The following BLM variants were observed in gnomAD, a reference collection of about 807,000 sequenced individuals.
The protein encoded by BLM is BLM RecQ like helicase.
Under a neutral mutation model 135.3 loss-of-function variants are expected in BLM, and 95 were observed. The ratio of observed to expected loss-of-function variants is 0.70; its 90% CI spans 0.59 to 0.83. BLM has a LOEUF of 0.83. BLM is among the 40% of genes least tolerant of loss of function. The pLI, the probability that BLM is intolerant of heterozygous loss-of-function variation, is 0.00. For synonymous variants in BLM, 520 were observed against 589.2 expected, an observed-to-expected ratio of 0.88 and a Z score of 1.70; for missense variants, 1,518 against 1,663.9, an observed-to-expected ratio of 0.91 and a Z score of 1.53.
At position 90,794,221 on chromosome 15, in the gene BLM, G is replaced by A; in HGVS notation, c.3074G>A (p.Ser1025Asn). 1 of 1,607,284 alleles carries A rather than the reference G, an allele frequency of 6.2e-7. No individual in the cohort carries two copies. The highest frequency in any genetic ancestry group is 8.5e-7 in the Non-Finnish European group (1 of 1,175,996). Residue 1025 changes from serine to asparagine, a missense_variant, in exon 16 of 22, where the codon AGC (serine) becomes AAC (asparagine). Around this residue, in one of 5 missense-constraint regions of BLM, gnomAD observed 626 missense variants for 681.1 expected, o/e 0.92. Transcript: ENST00000355112. ...GAAACTCACTTCAATAATTTGTATA[G>A]CATGGTACATTACTGTGAAAATATA... The part of the protein sequence containing the change: ...TRETHFNNLY[S>N]MVHYCENITE...
At chr15:90,769,373 G>A (rs1896232512) in intron 11 of BLM, 65 bp from the exon 12 acceptor site, 6 of 1,592,564 alleles carry the variant, frequency 3.8e-6, no homozygotes, top group South Asian at 2.2e-5. Context: ...ACATTGAGCA[G>A]TGTTGGCTTT....
rs759545027 is a variant in BLM, at chr15:90,769,520, C to A, written c.2489C>A (p.Thr830Lys). The A allele has an allele frequency of 1.9e-6, 3 of 1,613,816 alleles. No individual in the cohort carries two copies. The highest frequency in any genetic ancestry group is 2.5e-6 in the Non-Finnish European group (3 of 1,179,792). The change falls in exon 12 of 22, where the codon ACG becomes AAG. Residue 830 changes from threonine (T) to lysine (K), a missense_variant. Thr to Lys is a moderately conservative substitution (Grantham distance 78). Around this residue, in one of 5 missense-constraint regions of BLM, gnomAD observed 626 missense variants for 681.1 expected, o/e 0.92. Coordinates refer to ENST00000355112, the MANE Select transcript of BLM (RefSeq NM_000057.4). ...KFPSVPVMAL[T>K]ATANPRVQKD... is the part of the protein sequence containing the mutation. ...CCTTCTGTTCCGGTGATGGCTCTTA[C>A]GGCCACAGCTAATCCCAGGGTACAG...
intron 3 of BLM, among the ~76,000 whole-genome samples, chr15:90,751,033 A>T (rs999274939): frequency 4.6e-5 from 7 of 152,208 alleles, no homozygotes; most frequent in African/African-American, 1.7e-4. Context: ...CCTAATATTG[A>T]TGTATAATGT....
intron 4 of BLM, among the ~76,000 whole-genome samples, chr15:90,754,054 T>C (rs1016982795): frequency 6.6e-6 from 1 of 152,244 alleles, no homozygotes; most frequent in African/African-American, 2.4e-5. Flanking sequence ...AGAAATGTCC[T>C]TTTTAAAATC....
At chr15:90,777,168 AG>A (rs1451331298) in intron 12 of BLM, among the ~76,000 whole-genome samples, 3 of 132,558 alleles carry the variant, frequency 2.3e-5, no homozygotes, top group East Asian at 2.4e-4. Context: ...TTCTTTTTTG[AG>A]GGGGGTGGGG....
chr15:90,790,003 TTTTTTTTTTTTTTTTTTTTTG>T, intron 14 of BLM, among the ~76,000 whole-genome samples: 1 of 104,892 alleles, frequency 9.5e-6, no homozygotes, highest in African/African-American at 4.6e-5. Flanking sequence ...TTTTTTTTTT[TTTTTTTTTTTTTTTTTTTTTG>T]GTATAAGTAG....
chr15:90,763,919 C>T (rs1480762961), intron 8 of BLM, among the ~76,000 whole-genome samples: 1 of 152,196 alleles, frequency 6.6e-6, no homozygotes. Flanking sequence ...GACTTGTGAC[C>T]TTTAGCAAGT....
chr15:90,798,419 C>G (rs764908942), intron 17 of BLM, 82 bp downstream of exon 17: 36 of 1,444,048 alleles, frequency 2.5e-5, no homozygotes, highest in Admixed American at 8.3e-5. Flanking sequence ...CATAGAAAAA[C>G]TTTTTGTCTA....
At chr15:90,719,376 C>A (rs868080438) in intron 1 of BLM, among the ~76,000 whole-genome samples, 1 of 151,970 alleles carries the variant, frequency 6.6e-6, no homozygotes, top group Admixed American at 6.6e-5. Flanking sequence ...ATGAGGCGGG[C>A]GAATCACCTG....
At chr15:90,802,925 A>T (rs113224218) in intron 17 of BLM, among the ~76,000 whole-genome samples, 1 of 152,178 alleles carries the variant, frequency 6.6e-6, no homozygotes, top group African/African-American at 2.4e-5. Flanking sequence ...TATCTCATGT[A>T]CTACACAAAT....
At chr15:90,747,964 C>T (rs1434029334) in intron 2 of BLM, among the ~76,000 whole-genome samples, 6 of 151,130 alleles carry the variant, frequency 4.0e-5, no homozygotes, top group African/African-American at 9.7e-5. Context: ...CCTGCCACCA[C>T]GCCTGGCTAA....
chr15:90,800,808 A>T (rs1389634340), intron 17 of BLM, among the ~76,000 whole-genome samples: 1 of 152,036 alleles, frequency 6.6e-6, no homozygotes, highest in Non-Finnish European at 1.5e-5. Context: ...GCCCTTAGAA[A>T]CTCCAGGGAA....
chr15:90,737,884 C>A (rs1028417642), intron 1 of BLM, among the ~76,000 whole-genome samples: 2 of 151,880 alleles, frequency 1.3e-5, no homozygotes, highest in Non-Finnish European at 2.9e-5. Flanking sequence ...AGAATTGATT[C>A]TTTGAAATGA....
intron 1 of BLM, among the ~76,000 whole-genome samples, chr15:90,741,748 T>A (rs1172726705): frequency 6.6e-6 from 1 of 152,240 alleles, no homozygotes; most frequent in African/African-American, 2.4e-5. Context: ...TGTCTACATA[T>A]AATGATAATC....
intron 5 of BLM, 58 bp downstream of exon 5, chr15:90,754,996 G>C: frequency 6.3e-7 from 1 of 1,590,890 alleles, no homozygotes. Flanking sequence ...TGAAAACAAC[G>C]TAACACAAAG....
chr15:90,738,430 C>T (rs1895275545), intron 1 of BLM, among the ~76,000 whole-genome samples: 1 of 151,978 alleles, frequency 6.6e-6, no homozygotes, highest in Admixed American at 6.6e-5. Context: ...AAAAATTTGC[C>T]AGGTGTGATG....
Position 90,794,156 on chromosome 15 carries a change from A to G in BLM, c.3020-11A>G, listed in dbSNP as rs1331229405. 8 of 1,582,008 alleles carry G rather than the reference A, an allele frequency of 5.1e-6. No homozygotes were observed. The Admixed American group carries it at 1.3e-4, about 27-fold the overall frequency. ...ATAAGTATGTCTTACTATAGTCTTC[A>G]TCTCTTTTAGTGGAAAAAGATGGAA... is the stretch of plus-strand genomic sequence containing the variant. On this transcript the variant is annotated splice_polypyrimidine_tract_variant and intron_variant, in intron 15 of 21. Transcript: ENST00000355112.
rs28385120 is a variant in BLM at position 90,798,130 on chromosome 15, C to A, written c.3211-60C>A. ...AATCTACTATAGTTAATATTAAACC[C>A]TAGTAATCTAGGCATTGTTACCTTA... On this transcript the variant is annotated intron_variant, in intron 16 of 21. Coordinates refer to ENST00000355112, the MANE Select transcript of BLM (RefSeq NM_000057.4). 3.1e-3 allele frequency: 4,463 copies of A among 1,433,262 alleles called. 70 individuals are homozygous for A. The East Asian group carries it at 0.038, about 12-fold the overall frequency. 88.8% of individuals were successfully genotyped at this position (1,433,262 alleles called of 1,614,324 possible).
rs947040729 is a variant in BLM, at chr15:90,810,135, C to T, written c.3874+876C>T. Among the ~76,000 whole-genome samples the T allele has an allele frequency of 1.6e-4, 23 of 147,882 alleles. No homozygotes were observed. In the South Asian group the frequency reaches 1.6e-3, roughly 11 times the overall value. ...AGTTCAGTGGCACAATCTTGGCTCA[C>T]TATGCCTCCCAGATTCAAGCAATTA... is the stretch of plus-strand genomic sequence containing the variant. On this transcript the variant is annotated intron_variant, in intron 20 of 21. Transcript: ENST00000355112.
Sources: allele counts gnomAD v4.1 joint callset (sites outside exome capture counted in the v4.1 genomes callset), GRCh38; gene constraint gnomAD v4.1.1; regional missense constraint gnomAD v4.1.1; transcripts MANE v1.5; gene names NCBI Gene and HGNC (gene_info 2026-07-23, HGNC 2026-07-21).